The following SYTL3 variants were observed in gnomAD, a reference collection of about 807,000 sequenced individuals.
The protein encoded by SYTL3 is synaptotagmin like 3, also known as synaptotagmin-like protein 3.
Under a neutral mutation model 82.1 loss-of-function variants are expected in SYTL3, and 88 were observed. The observed-to-expected ratio is 1.07, with a 90% confidence interval of 0.90 to 1.28. SYTL3 has a LOEUF of 1.28. Among genes scored for constraint, SYTL3 ranks in the 50% most tolerant of loss-of-function variants. The probability of loss-of-function intolerance (pLI) is 0.00; values close to 1 mark genes in which losing one functional copy is unlikely to be tolerated. For missense variants in SYTL3, 831 were observed against 757.6 expected (o/e 1.10, Z -1.14); for synonymous variants, 311 against 289.4 (o/e 1.07, Z -0.76).
intron 12 of SYTL3, among the ~76,000 whole-genome samples, chr6:158,750,308 C>T (rs908696120): frequency 2.2e-4 from 34 of 152,214 alleles, no homozygotes; most frequent in Non-Finnish European, 3.2e-4. Context: ...ACGGGCAGGA[C>T]TGTGATAGGG....
At chr6:158,695,625 A>T (rs1217272295) in intron 6 of SYTL3, among the ~76,000 whole-genome samples, 1 of 152,216 alleles carries the variant, frequency 6.6e-6, no homozygotes, top group East Asian at 1.9e-4. Flanking sequence ...TTATGCAAAC[A>T]TCACCACCAT....
At position 158,665,550 on chromosome 6, in the gene SYTL3, C is replaced by T. The variant is rs569567936; in HGVS notation, c.266C>T (p.Ala89Val). ...VCRGCSHRVCAQCRVFLRGTH... is the reference protein window; with the variant it reads ...VCRGCSHRVCVQCRVFLRGTH... ...CGGGGCTGCAGCCACCGCGTGTGTG[C>T]CCAGTGCCGAGTGTTCCTGAGGGGG... is the stretch of plus-strand genomic sequence containing the variant. The change falls in exon 5 of 18, where the codon GCC (alanine) becomes GTC (valine). Residue 89 changes from alanine to valine, a missense_variant. Ala to Val is a moderately conservative substitution (Grantham distance 64). Coordinates refer to ENST00000611299, the MANE Select transcript of SYTL3 (RefSeq NM_001242394.2). 63 of 1,584,616 alleles carry T rather than the reference C, an allele frequency of 4.0e-5. 1 individual carries two copies. The highest frequency in any genetic ancestry group is 3.9e-4 in the South Asian group (34 of 86,648).
At chr6:158,693,855 CTTTTTTTT>C (rs575358067) in intron 6 of SYTL3, among the ~76,000 whole-genome samples, 1 of 96,866 alleles carries the variant, frequency 1.0e-5, no homozygotes, top group South Asian at 3.2e-4. Flanking sequence ...TTTTTCTTTT[CTTTTTTTT>C]TTTTTTTTTT....
At chr6:158,750,341 T>G (rs570388821) in intron 12 of SYTL3, among the ~76,000 whole-genome samples, 1 of 152,318 alleles carries the variant, frequency 6.6e-6, no homozygotes, top group Non-Finnish European at 1.5e-5. Context: ...ATGTTCTGTT[T>G]CCTAAGCTGG....
At chr6:158,671,415 G>A (rs1169350602) in intron 5 of SYTL3, among the ~76,000 whole-genome samples, 1 of 152,084 alleles carries the variant, frequency 6.6e-6, no homozygotes, top group Non-Finnish European at 1.5e-5. Context: ...AGTTTTTCTG[G>A]GTTGGCATTT....
At chr6:158,680,956 A>G (rs534846264) in intron 5 of SYTL3, among the ~76,000 whole-genome samples, 1 of 152,340 alleles carries the variant, frequency 6.6e-6, no homozygotes, top group South Asian at 2.1e-4. Flanking sequence ...AGATTGGCAT[A>G]TATTTGTGAT....
rs1778553975 is a variant in SYTL3 at position 158,680,576 on chromosome 6, A to C, written c.330-2349A>C. On this transcript the variant is annotated intron_variant, in intron 5 of 17. Coordinates refer to ENST00000611299, the MANE Select transcript of SYTL3 (RefSeq NM_001242394.2). Reference sequence around the variant, plus strand: ...CAACATAGCAAAACCCCGTCTCTACAAAAAAAAAAAAAAAAAAACACAAAA... The same window carrying C: ...CAACATAGCAAAACCCCGTCTCTACCAAAAAAAAAAAAAAAAAACACAAAA... Among the ~76,000 whole-genome samples, 3 of 61,554 alleles carry C rather than the reference A, an allele frequency of 4.9e-5. No individual in the cohort carries two copies. The South Asian group carries it at 1.6e-3, about 32-fold the overall frequency. 40.4% of individuals were successfully genotyped at this position (61,554 alleles called of 152,430 possible).
At chr6:158,691,148 G>T (rs151032190) in intron 6 of SYTL3, among the ~76,000 whole-genome samples, 5,050 of 152,068 alleles carry the variant, frequency 0.033, 111 homozygotes, top group Middle Eastern at 0.11. Flanking sequence ...GGAGTTTGAG[G>T]CCAGCCTGGT....
intron 12 of SYTL3, among the ~76,000 whole-genome samples, chr6:158,751,128 C>T (rs58656296): frequency 1.3e-5 from 2 of 152,224 alleles, no homozygotes; most frequent in East Asian, 3.9e-4. Context: ...TCACAAAAAG[C>T]TTAACCTAGG....
At chr6:158,645,991 G>C (rs1285141211), upstream of SYTL3, among the ~76,000 whole-genome samples, 2 of 152,154 alleles carry the variant, frequency 1.3e-5, no homozygotes, top group African/African-American at 4.8e-5. Context: ...TTGCAAGAAC[G>C]TATTTATGGT....
intron 9 of SYTL3, among the ~76,000 whole-genome samples, chr6:158,717,311 T>G (rs1415592912): frequency 3.3e-5 from 2 of 60,662 alleles, no homozygotes; most frequent in Non-Finnish European, 6.0e-5. Flanking sequence ...TTTACCTGTT[T>G]TTTTTTTTTT....
chr6:158,700,430 T>C (rs1039691919), intron 6 of SYTL3, among the ~76,000 whole-genome samples: 3 of 151,476 alleles, frequency 2.0e-5, no homozygotes, highest in Non-Finnish European at 4.4e-5. Context: ...CTTATTCTTA[T>C]CTCTCTCGAA....
chr6:158,652,348 A>AG (rs1788117289), intron 2 of SYTL3, among the ~76,000 whole-genome samples: 1 of 152,112 alleles, frequency 6.6e-6, no homozygotes, highest in African/African-American at 2.4e-5. Flanking sequence ...TCCCGGGTTA[A>AG]CACCATTCTC....
At chr6:158,650,117 G>A (rs1367794641) in intron 1 of SYTL3, 39 bp downstream of exon 1, 1 of 151,980 alleles carries the variant, frequency 6.6e-6, no homozygotes, top group Non-Finnish European at 1.5e-5. Flanking sequence ...GCAGCAGGTC[G>A]TTTTAGGAGT....
At chr6:158,693,875 T>TTTTTTG (rs1780273141) in intron 6 of SYTL3, among the ~76,000 whole-genome samples, 1 of 138,318 alleles carries the variant, frequency 7.2e-6, no homozygotes, top group Non-Finnish European at 1.5e-5. Context: ...TTTTTTTTTG[T>TTTTTTG]AGATACAGGG....
chr6:158,674,409 T>C (rs1353175615), intron 5 of SYTL3, among the ~76,000 whole-genome samples: 1 of 152,336 alleles, frequency 6.6e-6, no homozygotes, highest in Admixed American at 6.5e-5. Flanking sequence ...GACTGCTTTC[T>C]GAAAGTTCCC....
intron 2 of SYTL3, among the ~76,000 whole-genome samples, chr6:158,655,714 C>T (rs1349238908): frequency 1.3e-5 from 2 of 152,174 alleles, no homozygotes; most frequent in Non-Finnish European, 2.9e-5. Flanking sequence ...TGCATCAGCA[C>T]GTTTCGTCAT....
chr6:158,717,562 T>C (rs1345718707), intron 9 of SYTL3, among the ~76,000 whole-genome samples: 2 of 152,204 alleles, frequency 1.3e-5, no homozygotes, highest in African/African-American at 4.8e-5. Flanking sequence ...ACTATTACAC[T>C]GTAAAAATGA....
At chr6:158,672,845 G>A (rs942660091) in intron 5 of SYTL3, among the ~76,000 whole-genome samples, 2 of 152,062 alleles carry the variant, frequency 1.3e-5, no homozygotes, top group Admixed American at 6.5e-5. Flanking sequence ...TTGTTGGTCA[G>A]GCTGGTCTCA....
Sources: allele counts gnomAD v4.1 joint callset (sites outside exome capture counted in the v4.1 genomes callset), GRCh38; gene constraint gnomAD v4.1.1; transcripts MANE v1.5; gene names NCBI Gene and HGNC (gene_info 2026-07-23, HGNC 2026-07-21).